Variants in BCKDHB observed in about 807,000 individuals in gnomAD.
The protein encoded by BCKDHB is 2-oxoisovalerate dehydrogenase subunit beta, mitochondrial.
BCKDHB carries 41 observed loss-of-function variants against 48.5 expected under a neutral mutation model. That is an observed-to-expected ratio of 0.85 (90% confidence interval 0.66 to 1.10). BCKDHB has a LOEUF of 1.10. Among genes scored for constraint, BCKDHB ranks in the 50% least tolerant of loss-of-function variants. The pLI is 0.00. For missense variants in BCKDHB, 496 were observed against 494.2 expected, an observed-to-expected ratio of 1.00 and a Z score of -0.03; for synonymous variants, 201 against 174.8, an observed-to-expected ratio of 1.15 and a Z score of -1.18.
intron 8 of BCKDHB, among the ~76,000 whole-genome samples, chr6:80,205,347 T>G (rs1305976375): frequency 1.3e-5 from 2 of 152,136 alleles, no homozygotes; most frequent in African/African-American, 4.8e-5. Flanking sequence ...TGTTTTTGTC[T>G]TATGACTCAT....
chr6:80,371,597 A>G, the BCKDHB span, among the ~76,000 whole-genome samples: 3 of 152,140 alleles, frequency 2.0e-5, no homozygotes, highest in Admixed American at 2.0e-4. Flanking sequence ...GTTATCTTCT[A>G]GAATTTTTAT....
intron 3 of BCKDHB, among the ~76,000 whole-genome samples, chr6:80,141,610 C>G (rs1771216767): frequency 6.6e-6 from 1 of 151,958 alleles, no homozygotes; most frequent in Non-Finnish European, 1.5e-5. Flanking sequence ...TAAAAATGTT[C>G]AAATGTGAGC....
intron 9 of BCKDHB, among the ~76,000 whole-genome samples, chr6:80,322,291 T>A (rs1007498271): frequency 7.1e-6 from 1 of 140,534 alleles, no homozygotes; most frequent in East Asian, 2.1e-4. Flanking sequence ...CAGGCTGGAG[T>A]GCAATGGCAC....
At chr6:80,224,253 G>T (rs1775585446) in intron 8 of BCKDHB, among the ~76,000 whole-genome samples, 1 of 151,998 alleles carries the variant, frequency 6.6e-6, no homozygotes. Context: ...CTCCCATGAG[G>T]TTTATTCTTC....
intron 6 of BCKDHB, among the ~76,000 whole-genome samples, chr6:80,194,479 A>G (rs535005178): frequency 1.3e-5 from 2 of 152,188 alleles, no homozygotes; most frequent in East Asian, 3.9e-4. Flanking sequence ...TTCTATCCAG[A>G]GTCTATTTAT....
In BCKDHB at chr6:80,157,909, G is replaced by A. The variant is rs150392960; in HGVS notation, c.344-9769G>A. Among the ~76,000 whole-genome samples the A allele has an allele frequency of 1.7e-3, 265 of 152,270 alleles. 1 individual carries two copies. Among genetic ancestry groups the A allele is most frequent in the African/African-American group, 6.0e-3 (251 of 41,556 alleles). ...TCAACTAAACTAAATCTGTCTTGCT[G>A]ACATATCTAGATATCTTAGTACTTG... On this transcript the variant is annotated intron_variant, in intron 3 of 9. Transcript: ENST00000320393.
the BCKDHB span, among the ~76,000 whole-genome samples, chr6:80,421,612 G>C: frequency 1.3e-5 from 2 of 152,208 alleles, no homozygotes; most frequent in East Asian, 3.9e-4. Context: ...TCAAGCTTGA[G>C]ATGGTCTCAG....
chr6:80,264,773 A>G (rs990217649), intron 8 of BCKDHB, among the ~76,000 whole-genome samples: 1 of 152,140 alleles, frequency 6.6e-6, no homozygotes, highest in East Asian at 1.9e-4. Context: ...ATGGAATATC[A>G]TATTCTGAAA....
At chr6:80,436,283 G>A in the BCKDHB span, among the ~76,000 whole-genome samples, 28 of 146,444 alleles carry the variant, frequency 1.9e-4, no homozygotes, top group Admixed American at 1.3e-3. Flanking sequence ...CTCAGCCTCC[G>A]GAGTAGCTGG....
intron 9 of BCKDHB, among the ~76,000 whole-genome samples, chr6:80,306,122 T>C (rs1442895767): frequency 6.6e-6 from 1 of 152,228 alleles, no homozygotes; most frequent in Non-Finnish European, 1.5e-5. Flanking sequence ...CAGCAAGTAT[T>C]AGCTCTTCTT....
At chr6:80,257,136 A>G (rs573842086) in intron 8 of BCKDHB, among the ~76,000 whole-genome samples, 8 of 152,246 alleles carry the variant, frequency 5.3e-5, no homozygotes, top group Admixed American at 2.6e-4. Flanking sequence ...AAGTTAGTCT[A>G]TTGAGTAGCT....
At chr6:80,121,061 A>C (rs976878186) in intron 1 of BCKDHB, among the ~76,000 whole-genome samples, 3 of 152,230 alleles carry the variant, frequency 2.0e-5, no homozygotes, top group African/African-American at 7.2e-5. Flanking sequence ...GAAGGGATCC[A>C]GTTTCAGCTT....
the BCKDHB span, among the ~76,000 whole-genome samples, chr6:80,438,873 G>A: frequency 6.6e-6 from 1 of 152,190 alleles, no homozygotes; most frequent in African/African-American, 2.4e-5. Context: ...TGTCTTTCTT[G>A]TGTAACAGAG....
At chr6:80,404,123 T>C in the BCKDHB span, among the ~76,000 whole-genome samples, 5 of 151,638 alleles carry the variant, frequency 3.3e-5, no homozygotes, top group Admixed American at 2.6e-4. Context: ...TCACTTCTAA[T>C]TTTTTTAAAG....
chr6:80,385,315 A>T, the BCKDHB span, among the ~76,000 whole-genome samples: 1,168 of 152,332 alleles, frequency 7.7e-3, 12 homozygotes, highest in African/African-American at 0.027. Flanking sequence ...TTATCATGTG[A>T]GTGGCTGACC....
chr6:80,351,299 C>T, the BCKDHB span, among the ~76,000 whole-genome samples: 3 of 152,028 alleles, frequency 2.0e-5, no homozygotes, highest in East Asian at 5.8e-4. Flanking sequence ...CAATATTGTG[C>T]TTTAAGGTGT....
At chr6:80,137,932 A>T (rs80077867) in intron 3 of BCKDHB, among the ~76,000 whole-genome samples, 8 of 142,200 alleles carry the variant, frequency 5.6e-5, no homozygotes, top group South Asian at 2.2e-4. Context: ...ACAAAAAATT[A>T]AAAAAAAAAA....
At chr6:80,124,279 C>G (rs1008994799) in intron 1 of BCKDHB, among the ~76,000 whole-genome samples, 6 of 152,084 alleles carry the variant, frequency 3.9e-5, no homozygotes, top group Admixed American at 2.0e-4. Context: ...TATTTCTGTT[C>G]TTTTACATTT....
intron 8 of BCKDHB, among the ~76,000 whole-genome samples, chr6:80,252,922 C>T (rs1776894536): frequency 6.6e-6 from 1 of 151,944 alleles, no homozygotes; most frequent in African/African-American, 2.4e-5. Flanking sequence ...CTTTCTTCAC[C>T]CCCTCCTCCT....
Sources: allele counts gnomAD v4.1 joint callset (sites outside exome capture counted in the v4.1 genomes callset), GRCh38; gene constraint gnomAD v4.1.1; transcripts MANE v1.5; gene names NCBI Gene and HGNC (gene_info 2026-07-23, HGNC 2026-07-21).